PCDHA7: variants seen among roughly 807,000 people sequenced by gnomAD.
PCDHA7 encodes the protein protocadherin alpha-7.
PCDHA7 carries 37 observed loss-of-function variants against 57.2 expected under a neutral mutation model. The ratio of observed to expected loss-of-function variants is 0.65; its 90% CI spans 0.50 to 0.85. PCDHA7 has a LOEUF of 0.85. Ranked by LOEUF, PCDHA7 falls within the 40% of genes least tolerant of loss-of-function variation. The probability of loss-of-function intolerance (pLI) is 0.00; values close to 1 mark genes in which losing one functional copy is unlikely to be tolerated. For missense variants in PCDHA7, 1,188 were observed against 1,241.8 expected (o/e 0.96, Z 0.65); for synonymous variants, 553 against 558.8 (o/e 0.99, Z 0.15).
At position 140,850,688 on chromosome 5, in the gene PCDHA7, G is replaced by T. The variant is rs370343489; in HGVS notation, c.2355+13950G>T. ...GCTCGGCGATGCCCACCGAGGGCGA[G>T]TGCGCGCCTGGCAAGCCGACGCTGG... On this transcript the variant is annotated intron_variant, in intron 1 of 3. Coordinates refer to ENST00000525929, the MANE Select transcript of PCDHA7 (RefSeq NM_018910.3). The T allele has an allele frequency of 5.0e-6, 8 of 1,598,504 alleles. 1 individual carries two copies. Among genetic ancestry groups the T allele is most frequent in the Non-Finnish European group, 6.9e-6 (8 of 1,167,882 alleles).
intron 1 of PCDHA7, chr5:140,851,686 TGA>T: frequency 1.1e-6 from 1 of 926,568 alleles, no homozygotes; most frequent in Non-Finnish European, 1.3e-6. Context: ...CTCCATTCAG[TGA>T]TAAAATGATC....
rs200693140 is a variant in PCDHA7, at chr5:140,850,298, G to A, written c.2355+13560G>A. 1.0e-5 allele frequency: 16 copies of A among 1,596,354 alleles called. 2 individuals are homozygous for A. The South Asian group carries it at 1.3e-4, about 13-fold the overall frequency. On this transcript the variant is annotated intron_variant, in intron 1 of 3. Coordinates refer to ENST00000525929, the MANE Select transcript of PCDHA7 (RefSeq NM_018910.3). Reference sequence around the variant, plus strand: ...AGGTGCGCGCAGTGGACGCCGACTCGGGCTACAACGCGTGGCTTTCATACG... The same window carrying A: ...AGGTGCGCGCAGTGGACGCCGACTCAGGCTACAACGCGTGGCTTTCATACG...
chr5:140,884,472 G>A (rs1382253304), intron 1 of PCDHA7: 2 of 1,613,830 alleles, frequency 1.2e-6, no homozygotes, highest in Non-Finnish European at 1.7e-6. Flanking sequence ...TGCGCGCCGG[G>A]CAAGCCCACT....
At chr5:140,851,290 G>A (rs2042014989) in intron 1 of PCDHA7, 2 of 1,033,710 alleles carry the variant, frequency 1.9e-6, no homozygotes, top group Non-Finnish European at 2.4e-6. Flanking sequence ...AGAAACCCAA[G>A]CAAAAATATA....
At chr5:140,882,208 G>C (rs1554173113) in intron 1 of PCDHA7, 2 of 1,531,598 alleles carry the variant, frequency 1.3e-6, no homozygotes, top group East Asian at 4.5e-5. Flanking sequence ...GGCCTTGAGA[G>C]ACAGTTTGAG....
intron 1 of PCDHA7, chr5:140,966,627 C>G: frequency 6.3e-6 from 6 of 951,596 alleles, no homozygotes; most frequent in Non-Finnish European, 8.6e-6. Flanking sequence ...AGGGAGCGGC[C>G]CCAGGCGCTT....
intron 1 of PCDHA7, among the ~76,000 whole-genome samples, chr5:140,840,839 T>C (rs1165670429): frequency 6.6e-6 from 1 of 152,038 alleles, no homozygotes; most frequent in Non-Finnish European, 1.5e-5. Context: ...TAAATATTAA[T>C]GCATTTCTTC....
chr5:140,938,463 T>C (rs1399110046), intron 1 of PCDHA7, among the ~76,000 whole-genome samples: 1 of 152,216 alleles, frequency 6.6e-6, no homozygotes, highest in Non-Finnish European at 1.5e-5. Flanking sequence ...GTTTTTTAAT[T>C]TATTATGTTT....
rs370307660 is a variant in PCDHA7 at position 140,924,901 on chromosome 5, A to T, written c.2356-54048A>T. On this transcript the variant is annotated intron_variant, in intron 1 of 3. Transcript: ENST00000525929. The stretch of plus-strand genomic sequence containing the variant: ...CAGAGCAAGAACCTGTCTCAAAAAA[A>T]AAAATAAAATAAAATAAAATAAAAT... Among the ~76,000 whole-genome samples, 368 of 80,482 alleles carry T rather than the reference A, an allele frequency of 4.6e-3. 1 individual carries two copies. Among genetic ancestry groups the T allele is most frequent in the East Asian group, 9.1e-3 (17 of 1,868 alleles). The allele number at this position is 80,482 out of a possible 152,430, so 52.8% of individuals were successfully genotyped here. A position where few individuals can be genotyped will look rare whatever the true frequency, so the allele number is the denominator to read the frequency against.
At chr5:140,884,054 G>A (rs1313975286) in intron 1 of PCDHA7, 1 of 1,613,390 alleles carries the variant, frequency 6.2e-7, no homozygotes, top group Non-Finnish European at 8.5e-7. Flanking sequence ...GAAGGTGCGC[G>A]CGGTGGACGC....
At chr5:140,992,131 T>C (rs1554252686) in intron 3 of PCDHA7, among the ~76,000 whole-genome samples, 1 of 151,874 alleles carries the variant, frequency 6.6e-6, no homozygotes, top group African/African-American at 2.4e-5. Flanking sequence ...GAACAGTGAC[T>C]GATGATGCTA....
At position 140,836,647 on chromosome 5, in the gene PCDHA7, G is replaced by C. The variant is rs2150266694; in HGVS notation, c.2264G>C (p.Arg755Pro). The C allele has an allele frequency of 1.3e-5, 21 of 1,613,346 alleles. 1 individual carries two copies. The highest frequency in any genetic ancestry group is 1.6e-5 in the Non-Finnish European group (19 of 1,179,654). ...AGCTGGTCATTCTCCCAGCAGAGGCGGCAGAGGGTGTGCTCTGGGGAGGGC... is the reference window on the plus strand; with the variant it reads ...AGCTGGTCATTCTCCCAGCAGAGGCCGCAGAGGGTGTGCTCTGGGGAGGGC... ...VGSWSFSQQR[R>P]QRVCSGEGPP... The change falls in exon 1 of 4, where the codon CGG (arginine) becomes CCG (proline). Residue 755 changes from arginine (R) to proline (P), a missense_variant. Arg to Pro is a moderately radical substitution (Grantham distance 103, BLOSUM62 -2). This residue lies in a region of PCDHA7 where 892 missense variants were observed against 788.5 expected (regional missense o/e 1.13). Transcript: ENST00000525929.
At chr5:140,850,256 C>T (rs2150475976) in intron 1 of PCDHA7, 11 of 1,594,032 alleles carry the variant, frequency 6.9e-6, no homozygotes, top group Admixed American at 6.8e-5. Context: ...CGGTGGGCGC[C>T]GGCGTAGTGG....
Position 140,842,918 on chromosome 5 carries a change from T to C in PCDHA7, c.2355+6180T>C. On this transcript the variant is annotated intron_variant, in intron 1 of 3. Coordinates refer to ENST00000525929, the MANE Select transcript of PCDHA7 (RefSeq NM_018910.3). Reference sequence around the variant, plus strand: ...CCACGAGGAGCTAGAGCTGCTGCAGTTCCAGGTGAGCGCGCGCGACGCGGG... The same window carrying C: ...CCACGAGGAGCTAGAGCTGCTGCAGCTCCAGGTGAGCGCGCGCGACGCGGG... The C allele has an allele frequency of 3.8e-6, 6 of 1,594,574 alleles. 1 individual carries two copies. The highest frequency in any genetic ancestry group is 5.1e-6 in the Non-Finnish European group (6 of 1,165,450).
chr5:140,969,311 G>A (rs2096317598), intron 1 of PCDHA7: 2 of 1,614,050 alleles, frequency 1.2e-6, no homozygotes, highest in Non-Finnish European at 1.7e-6. Context: ...TCTCAAAAAT[G>A]AGGCTGTTTC....
At chr5:140,928,400 C>T (rs1441591334) in intron 1 of PCDHA7, 15 of 1,614,038 alleles carry the variant, frequency 9.3e-6, no homozygotes, top group Non-Finnish European at 1.3e-5. Context: ...GTGGAATCAT[C>T]CAGTGGGGCC....
At position 141,000,188 on chromosome 5, in the gene PCDHA7, A is replaced by G. The variant is rs182049578; in HGVS notation, c.2504-9439A>G. 8.6e-3 allele frequency among the ~76,000 whole-genome samples: 1,302 copies of G among 151,928 alleles called. 5 individuals carry two copies. Among genetic ancestry groups the G allele is most frequent in the Middle Eastern group, 0.017 (5 of 294 alleles). ...ATTATTGAGCCAAGGAGTCAATGTG[A>G]GAATAGTTTTTCACCTTCATTATCA... is the stretch of plus-strand genomic sequence containing the variant. On this transcript the variant is annotated intron_variant, in intron 3 of 3. Coordinates refer to ENST00000525929, the MANE Select transcript of PCDHA7 (RefSeq NM_018910.3).
chr5:140,885,465 C>T (rs1363216895), intron 1 of PCDHA7, among the ~76,000 whole-genome samples: 1 of 152,144 alleles, frequency 6.6e-6, no homozygotes, highest in Non-Finnish European at 1.5e-5. Context: ...TAATGATGGG[C>T]AATCACTTTG....
At position 140,875,798 on chromosome 5, in the gene PCDHA7, T is replaced by C. The variant is rs377753022; in HGVS notation, c.2355+39060T>C. On this transcript the variant is annotated intron_variant, in intron 1 of 3. Coordinates refer to ENST00000525929, the MANE Select transcript of PCDHA7 (RefSeq NM_018910.3). ...GAGTGCAGTATCCACCTGGAGGTGATCGTGGACAGGCCGCTGCAGGTTTTC... is the reference window on the plus strand; with the variant it reads ...GAGTGCAGTATCCACCTGGAGGTGACCGTGGACAGGCCGCTGCAGGTTTTC... 1.5e-5 allele frequency: 24 copies of C among 1,614,138 alleles called. No individual in the cohort carries two copies. In the African/African-American group the frequency reaches 3.1e-4, roughly 21 times the overall value.
Sources: allele counts gnomAD v4.1 joint callset (sites outside exome capture counted in the v4.1 genomes callset), GRCh38; gene constraint gnomAD v4.1.1; regional missense constraint gnomAD v4.1.1; transcripts MANE v1.5; gene names NCBI Gene and HGNC (gene_info 2026-07-23, HGNC 2026-07-21).